The following ZNF385D variants were observed in gnomAD, a reference collection of about 807,000 sequenced individuals.
ZNF385D encodes zinc finger protein 659.
Under a neutral mutation model 35.8 loss-of-function variants are expected in ZNF385D, and 15 were observed. The ratio of observed to expected loss-of-function variants is 0.42; its 90% CI spans 0.28 to 0.64. ZNF385D has a LOEUF of 0.64. Among genes scored for constraint, ZNF385D ranks in the 30% least tolerant of loss-of-function variants. The pLI, the probability that ZNF385D is intolerant of heterozygous loss-of-function variation, is 0.23. For synonymous variants in ZNF385D, 212 were observed against 186.8 expected, an observed-to-expected ratio of 1.13 and a Z score of -1.10; for missense variants, 474 against 494.6, an observed-to-expected ratio of 0.96 and a Z score of 0.39.
At chr3:21,775,184 G>A (rs1198787476) in intron 3 of ZNF385D, among the ~76,000 whole-genome samples, 1 of 151,774 alleles carries the variant, frequency 6.6e-6, no homozygotes, top group Non-Finnish European at 1.5e-5. Flanking sequence ...AAATTCATCT[G>A]GATGAAGGGT....
chr3:22,281,385 CT>C (rs1325323781), intron 2 of ZNF385D, among the ~76,000 whole-genome samples: 1 of 152,054 alleles, frequency 6.6e-6, no homozygotes, highest in African/African-American at 2.4e-5. Flanking sequence ...TAATACATGG[CT>C]TTTATTACCC....
chr3:21,735,499 G>C (rs926527173), intron 1 of ZNF385D, among the ~76,000 whole-genome samples: 4 of 152,146 alleles, frequency 2.6e-5, no homozygotes, highest in African/African-American at 9.7e-5. Flanking sequence ...TGTCAGATGT[G>C]ATTCCAAGGT....
intron 2 of ZNF385D, among the ~76,000 whole-genome samples, chr3:22,221,965 A>C (rs1576519263): frequency 6.6e-6 from 1 of 152,092 alleles, no homozygotes; most frequent in East Asian, 1.9e-4. Context: ...TTAATACAGA[A>C]GATTTCATTA....
chr3:22,249,245 T>A (rs1699944572), intron 2 of ZNF385D, among the ~76,000 whole-genome samples: 1 of 152,100 alleles, frequency 6.6e-6, no homozygotes, highest in Admixed American at 6.6e-5. Context: ...TGGGAAGGAT[T>A]TTTACATTGC....
chr3:22,021,934 C>T (rs931161420), intron 3 of ZNF385D, among the ~76,000 whole-genome samples: 4 of 152,004 alleles, frequency 2.6e-5, no homozygotes, highest in African/African-American at 4.8e-5. Flanking sequence ...GTTTGACGGC[C>T]TCTGTTCTCA....
chr3:21,522,293 G>A (rs1707957124), intron 3 of ZNF385D, among the ~76,000 whole-genome samples: 1 of 151,950 alleles, frequency 6.6e-6, no homozygotes, highest in African/African-American at 2.4e-5. Flanking sequence ...TTTCCTCCCA[G>A]ACTTAGAAAA....
chr3:21,802,300 C>A (rs6550625), intron 3 of ZNF385D, among the ~76,000 whole-genome samples: 6 of 151,986 alleles, frequency 3.9e-5, no homozygotes, highest in African/African-American at 1.2e-4. Flanking sequence ...TAATCATGAT[C>A]ATGGGGTAAT....
At chr3:21,886,548 A>G (rs913080374) in intron 3 of ZNF385D, among the ~76,000 whole-genome samples, 5 of 151,950 alleles carry the variant, frequency 3.3e-5, no homozygotes, top group African/African-American at 9.7e-5. Flanking sequence ...TCAAGCAGAT[A>G]TTGGATGGAC....
intron 3 of ZNF385D, among the ~76,000 whole-genome samples, chr3:22,046,837 T>G (rs1207398855): frequency 6.6e-6 from 1 of 152,162 alleles, no homozygotes; most frequent in Admixed American, 6.6e-5. Context: ...ATTTTATATT[T>G]GTAAAGTAAA....
chr3:21,775,081 T>A (rs1035362310), intron 3 of ZNF385D, among the ~76,000 whole-genome samples: 2 of 151,962 alleles, frequency 1.3e-5, no homozygotes, highest in Middle Eastern at 3.4e-3. Flanking sequence ...TAATTTACTC[T>A]TGCAAGAGAG....
intron 3 of ZNF385D, among the ~76,000 whole-genome samples, chr3:21,987,465 A>T (rs1308291262): frequency 1.6e-5 from 2 of 121,448 alleles, no homozygotes; most frequent in Non-Finnish European, 3.3e-5. Flanking sequence ...TGGGTTGAAA[A>T]TTCTTTTCTT....
chr3:21,927,994 C>A (rs763147003), intron 3 of ZNF385D, among the ~76,000 whole-genome samples: 5 of 152,014 alleles, frequency 3.3e-5, no homozygotes, highest in Non-Finnish European at 7.4e-5. Context: ...GAGGCTGAGG[C>A]AGGAAGTTCA....
chr3:22,090,238 T>C (rs139198537), intron 3 of ZNF385D, among the ~76,000 whole-genome samples: 1 of 152,318 alleles, frequency 6.6e-6, no homozygotes, highest in East Asian at 1.9e-4. Flanking sequence ...ATGATGACAT[T>C]TGGGGAATAT....
At chr3:22,296,908 A>G (rs555857909) in intron 2 of ZNF385D, among the ~76,000 whole-genome samples, 1 of 152,230 alleles carries the variant, frequency 6.6e-6, no homozygotes, top group South Asian at 2.1e-4. Context: ...CTTAAGGAGA[A>G]GAGATTATAC....
At chr3:21,541,504 C>A (rs2062175631) in intron 3 of ZNF385D, among the ~76,000 whole-genome samples, 1 of 152,010 alleles carries the variant, frequency 6.6e-6, no homozygotes, top group Non-Finnish European at 1.5e-5. Context: ...TAGACAACAA[C>A]AAATAGCAAC....
intron 3 of ZNF385D, among the ~76,000 whole-genome samples, chr3:21,945,507 AAAT>A (rs1701738372): frequency 6.6e-6 from 1 of 152,220 alleles, no homozygotes; most frequent in African/African-American, 2.4e-5. Context: ...TGTAAAACAA[AAAT>A]AATAATGCCT....
intron 3 of ZNF385D, among the ~76,000 whole-genome samples, chr3:22,141,742 T>A (rs1049498993): frequency 5.9e-5 from 9 of 152,222 alleles, no homozygotes; most frequent in Non-Finnish European, 1.3e-4. Flanking sequence ...TGTCAATACT[T>A]ACTACCTGTT....
intron 2 of ZNF385D, among the ~76,000 whole-genome samples, chr3:22,366,657 C>T (rs1176737072): frequency 2.0e-5 from 3 of 152,160 alleles, no homozygotes; most frequent in Non-Finnish European, 4.4e-5. Flanking sequence ...CCTCCTACTC[C>T]TGTACTCCTC....
chr3:21,935,333 A>G (rs1046932556), intron 3 of ZNF385D, among the ~76,000 whole-genome samples: 4 of 152,180 alleles, frequency 2.6e-5, no homozygotes, highest in African/African-American at 9.6e-5. Context: ...CTTACTAAGC[A>G]AAAAACACTG....
Sources: allele counts gnomAD v4.1 joint callset (sites outside exome capture counted in the v4.1 genomes callset), GRCh38; gene constraint gnomAD v4.1.1; transcripts MANE v1.5; gene names NCBI Gene and HGNC (gene_info 2026-07-23, HGNC 2026-07-21).